The following FAM227B variants were observed in gnomAD, a reference collection of about 807,000 sequenced individuals.
FAM227B encodes family with sequence similarity 227 member B, also known as protein FAM227B.
FAM227B carries 88 observed loss-of-function variants against 73.8 expected under a neutral mutation model. That is an observed-to-expected ratio of 1.19 (90% CI 1.00 to 1.42). The LOEUF (loss-of-function observed/expected upper bound fraction) is 1.42. FAM227B is among the 40% of genes most tolerant of loss of function. FAM227B has a pLI of 0.00. For missense variants in FAM227B, 632 were observed against 590.9 expected (o/e 1.07, Z -0.72); for synonymous variants, 210 against 190.5 (o/e 1.10, Z -0.84).
At chr15:49,603,582 G>C (rs1255776520) in intron 3 of FAM227B, among the ~76,000 whole-genome samples, 1 of 152,080 alleles carries the variant, frequency 6.6e-6, no homozygotes, top group East Asian at 1.9e-4. Flanking sequence ...TGCAAACAAG[G>C]AGAATTTGAC....
chr15:49,457,113 C>A (rs545487793), intron 11 of FAM227B, among the ~76,000 whole-genome samples: 1 of 152,076 alleles, frequency 6.6e-6, no homozygotes, highest in Non-Finnish European at 1.5e-5. Flanking sequence ...TACAGCAAGA[C>A]GTTTGGGTTT....
chr15:49,424,217 G>C (rs549773456), intron 11 of FAM227B: 29 of 1,255,026 alleles, frequency 2.3e-5, no homozygotes, highest in Non-Finnish European at 3.2e-5. Context: ...GATAGGAAGA[G>C]GTCAATGACC....
At chr15:49,469,757 A>G (rs552637726) in intron 11 of FAM227B, among the ~76,000 whole-genome samples, 1 of 152,296 alleles carries the variant, frequency 6.6e-6, no homozygotes, top group African/African-American at 2.4e-5. Flanking sequence ...CAACTAAGTT[A>G]TGCCTTTAAA....
At chr15:49,403,477 T>G (rs2048311157) in intron 11 of FAM227B, among the ~76,000 whole-genome samples, 1 of 152,216 alleles carries the variant, frequency 6.6e-6, no homozygotes, top group South Asian at 2.1e-4. Flanking sequence ...AATTTCTTCC[T>G]GGTTCAGTCT....
At chr15:49,335,579 G>C (rs2039563570) in intron 13 of FAM227B, 83 bp from the exon 14 acceptor site, 1 of 892,488 alleles carries the variant, frequency 1.1e-6, no homozygotes. Flanking sequence ...GAACCAAGGG[G>C]ACCGTGTGAC....
At chr15:49,607,899 C>A (rs1483569812) in intron 3 of FAM227B, among the ~76,000 whole-genome samples, 1 of 152,078 alleles carries the variant, frequency 6.6e-6, no homozygotes, top group Admixed American at 6.5e-5. Context: ...TATTACTTTC[C>A]TTCCTTATTC....
chr15:49,390,516 A>G (rs1174618183), intron 11 of FAM227B, among the ~76,000 whole-genome samples: 1 of 151,998 alleles, frequency 6.6e-6, no homozygotes, highest in Non-Finnish European at 1.5e-5. Flanking sequence ...ATTGTCATTT[A>G]CTCTGCCTTG....
At chr15:49,563,990 G>A (rs1290399232) in intron 9 of FAM227B, among the ~76,000 whole-genome samples, 1 of 152,126 alleles carries the variant, frequency 6.6e-6, no homozygotes, top group African/African-American at 2.4e-5. Flanking sequence ...TGACAAGCAG[G>A]ATCTAATTAA....
intron 10 of FAM227B, among the ~76,000 whole-genome samples, chr15:49,525,579 C>T (rs2060104590): frequency 6.7e-6 from 1 of 149,138 alleles, no homozygotes; most frequent in Non-Finnish European, 1.5e-5. Flanking sequence ...AATTTGTCAC[C>T]ATTAGACCAG....
chr15:49,611,728 T>C (rs1253659511), intron 2 of FAM227B, among the ~76,000 whole-genome samples: 1 of 152,250 alleles, frequency 6.6e-6, no homozygotes, highest in Non-Finnish European at 1.5e-5. Flanking sequence ...AATCACATTT[T>C]TTAGTAGTTT....
chr15:49,457,902 C>T (rs1429484902), intron 11 of FAM227B, among the ~76,000 whole-genome samples: 1 of 151,832 alleles, frequency 6.6e-6, no homozygotes, highest in Non-Finnish European at 1.5e-5. Flanking sequence ...CTAATTTTAG[C>T]ACAAGTTAAA....
intron 11 of FAM227B, among the ~76,000 whole-genome samples, chr15:49,419,543 A>C (rs2049451835): frequency 6.6e-6 from 1 of 152,194 alleles, no homozygotes; most frequent in South Asian, 2.1e-4. Context: ...ATAGGAATTA[A>C]GTTTTGACCA....
chr15:49,530,588 C>T (rs28492008), intron 10 of FAM227B, among the ~76,000 whole-genome samples: 3 of 151,464 alleles, frequency 2.0e-5, no homozygotes, highest in Non-Finnish European at 3.0e-5. Context: ...AATTTCTTTG[C>T]CTCTGTTGTA....
intron 3 of FAM227B, among the ~76,000 whole-genome samples, chr15:49,590,692 AG>A (rs1410759361): frequency 6.6e-6 from 1 of 152,206 alleles, no homozygotes; most frequent in African/African-American, 2.4e-5. Flanking sequence ...AGAACATTTA[AG>A]ATCTACTCTA....
intron 11 of FAM227B, among the ~76,000 whole-genome samples, chr15:49,422,120 T>TAGAGAGAGAGAG (rs3075167): frequency 0.023 from 3,110 of 134,222 alleles, 70 homozygotes; most frequent in African/African-American, 0.064. Flanking sequence ...GCATTTCACA[T>TAGAGAGAGAGAG]AGAGAGAGAG....
chr15:49,544,126 A>G (rs1301030214), intron 9 of FAM227B, among the ~76,000 whole-genome samples: 2 of 152,136 alleles, frequency 1.3e-5, no homozygotes, highest in African/African-American at 2.4e-5. Flanking sequence ...ATCTGTGAGC[A>G]TGGGATGTGT....
At chr15:49,504,850 C>A (rs910014146) in intron 11 of FAM227B, among the ~76,000 whole-genome samples, 48 of 152,110 alleles carry the variant, frequency 3.2e-4, no homozygotes, top group African/African-American at 1.1e-3. Flanking sequence ...GCAAGAATGA[C>A]CTAATACGTT....
rs999975539 is a variant in FAM227B at position 49,468,184 on chromosome 15, T to A, written c.1012+40027A>T. ...TAACCAGACATGTCATTTAAATGGTTTTTGACATCATTATAAAATATATAT... is the reference window on the plus strand; with the variant it reads ...TAACCAGACATGTCATTTAAATGGTATTTGACATCATTATAAAATATATAT... On this transcript the variant is annotated intron_variant, in intron 11 of 15. Coordinates refer to ENST00000299338, the MANE Select transcript of FAM227B (RefSeq NM_152647.3). Among the ~76,000 whole-genome samples the A allele has an allele frequency of 2.0e-5, 3 of 152,170 alleles. No individual in the cohort carries two copies. The East Asian group carries it at 5.8e-4, about 29-fold the overall frequency.
At chr15:49,403,981 A>G (rs910803904) in intron 11 of FAM227B, among the ~76,000 whole-genome samples, 2 of 152,160 alleles carry the variant, frequency 1.3e-5, no homozygotes, top group East Asian at 1.9e-4. Flanking sequence ...TTAATTTCAA[A>G]GAACTTCTTA....
Sources: gnomAD v4.1 joint callset for allele counts (sites outside exome capture counted in the v4.1 genomes callset) on GRCh38, gnomAD v4.1.1 for gene constraint, MANE v1.5 for transcripts, NCBI Gene and HGNC (gene_info 2026-07-23, HGNC 2026-07-21) for gene names.